Variants in POU6F2 observed in about 807,000 individuals in gnomAD.
POU6F2 encodes the protein POU class 6 homeobox 2.
Under a neutral mutation model 71.3 loss-of-function variants are expected in POU6F2, and 31 were observed. That is an observed-to-expected ratio of 0.43 (90% confidence interval 0.33 to 0.59). POU6F2 has a LOEUF of 0.59. Among genes scored for constraint, POU6F2 ranks in the 20% least tolerant of loss-of-function variants. The probability of loss-of-function intolerance (pLI) is 0.04; values close to 1 mark genes in which losing one functional copy is unlikely to be tolerated. For missense variants in POU6F2, 783 were observed against 856.8 expected (o/e 0.91, Z 1.07); for synonymous variants, 347 against 355.7 (o/e 0.98, Z 0.27).
intron 4 of POU6F2, among the ~76,000 whole-genome samples, chr7:39,223,338 T>C (rs978805692): frequency 6.6e-6 from 1 of 152,216 alleles, no homozygotes; most frequent in African/African-American, 2.4e-5. Context: ...ATAATTGCAG[T>C]TGGATTTACA....
intron 5 of POU6F2, among the ~76,000 whole-genome samples, chr7:39,354,902 T>C (rs1248527366): frequency 6.6e-6 from 1 of 152,212 alleles, no homozygotes; most frequent in Non-Finnish European, 1.5e-5. Flanking sequence ...TCCCAATCAA[T>C]AGTTATCAGT....
Position 39,245,079 on chromosome 7 carries a change from G to A in POU6F2, c.598+37459G>A, listed in dbSNP as rs188317119. 2.0e-5 allele frequency among the ~76,000 whole-genome samples: 3 copies of A among 152,260 alleles called. No homozygotes were observed. In the East Asian group the frequency reaches 5.8e-4, roughly 29 times the overall value. ...AGAAATAATGTGGGGCTTAGATAATGAATTAGCGAAGTTAAGGATTTTGTT... is the reference window on the plus strand; with the variant it reads ...AGAAATAATGTGGGGCTTAGATAATAAATTAGCGAAGTTAAGGATTTTGTT... On this transcript the variant is annotated intron_variant, in intron 4 of 9. Transcript: ENST00000518318.
At chr7:39,056,662 CTG>C (rs749810621) in intron 1 of POU6F2, among the ~76,000 whole-genome samples, 1 of 113,324 alleles carries the variant, frequency 8.8e-6, no homozygotes, top group African/African-American at 3.7e-5. Flanking sequence ...CTCTCTCTCT[CTG>C]TGTGTGTGTG....
intron 4 of POU6F2, among the ~76,000 whole-genome samples, chr7:39,227,127 C>A (rs1794474978): frequency 6.6e-6 from 1 of 152,194 alleles, no homozygotes; most frequent in East Asian, 1.9e-4. Context: ...CCATGAACCA[C>A]AGCTGAATAT....
chr7:39,192,751 A>G (rs1199723561), intron 2 of POU6F2, among the ~76,000 whole-genome samples: 1 of 152,036 alleles, frequency 6.6e-6, no homozygotes, highest in Non-Finnish European at 1.5e-5. Flanking sequence ...CTCCCCCTTG[A>G]CTTTTGTGGG....
chr7:39,198,550 G>A (rs1025511337), intron 2 of POU6F2, among the ~76,000 whole-genome samples: 1 of 152,126 alleles, frequency 6.6e-6, no homozygotes, highest in African/African-American at 2.4e-5. Context: ...AGACAGTCTT[G>A]GTTCTCCAGG....
intron 5 of POU6F2, among the ~76,000 whole-genome samples, chr7:39,398,651 G>A (rs1026747026): frequency 1.3e-5 from 2 of 152,180 alleles, no homozygotes; most frequent in African/African-American, 4.8e-5. Flanking sequence ...GAGTTCCACT[G>A]GTGGAAACAG....
At chr7:39,423,725 C>T (rs1787906846) in intron 6 of POU6F2, among the ~76,000 whole-genome samples, 1 of 152,152 alleles carries the variant, frequency 6.6e-6, no homozygotes, top group African/African-American at 2.4e-5. Context: ...AGAAGATAGG[C>T]ATGAAACAAA....
intron 4 of POU6F2, among the ~76,000 whole-genome samples, chr7:39,247,200 G>C (rs1310095796): frequency 2.6e-5 from 4 of 152,134 alleles, no homozygotes; most frequent in Non-Finnish European, 5.9e-5. Flanking sequence ...CAAGCATGGT[G>C]TATCATGCCT....
intron 6 of POU6F2, among the ~76,000 whole-genome samples, chr7:39,431,753 C>G (rs1788107493): frequency 6.6e-6 from 1 of 152,192 alleles, no homozygotes; most frequent in South Asian, 2.1e-4. Context: ...TGTGTCTTGT[C>G]TAGTAAGCAG....
At chr7:39,095,777 A>T (rs1474956241) in intron 2 of POU6F2, among the ~76,000 whole-genome samples, 1 of 152,214 alleles carries the variant, frequency 6.6e-6, no homozygotes, top group Non-Finnish European at 1.5e-5. Flanking sequence ...CAAATGGTAG[A>T]TGCAAAGGGT....
intron 4 of POU6F2, among the ~76,000 whole-genome samples, chr7:39,256,735 G>C (rs1470002914): frequency 6.6e-6 from 1 of 152,182 alleles, no homozygotes; most frequent in South Asian, 2.1e-4. Context: ...GAGTCAACCA[G>C]TGTAGAAAGA....
At chr7:39,263,787 T>C (rs1335480183) in intron 4 of POU6F2, among the ~76,000 whole-genome samples, 1 of 152,178 alleles carries the variant, frequency 6.6e-6, no homozygotes. Context: ...CCAGCCCCTA[T>C]CACCATGGTC....
chr7:39,332,699 A>G (rs756117781), intron 4 of POU6F2, among the ~76,000 whole-genome samples: 27 of 152,008 alleles, frequency 1.8e-4, no homozygotes, highest in Non-Finnish European at 3.8e-4. Context: ...GTGGCCCTTC[A>G]TTTTCTCTCC....
At chr7:39,258,300 C>T (rs553772462) in intron 4 of POU6F2, among the ~76,000 whole-genome samples, 13 of 152,220 alleles carry the variant, frequency 8.5e-5, no homozygotes, top group South Asian at 4.1e-4. Context: ...GATTTGAAGG[C>T]GGCAGCTCTA....
At chr7:39,078,911 CCTT>C (rs1384618531) in intron 1 of POU6F2, among the ~76,000 whole-genome samples, 1 of 152,056 alleles carries the variant, frequency 6.6e-6, no homozygotes, top group African/African-American at 2.4e-5. Context: ...GAGCAAGACT[CCTT>C]CTCAAAAAAT....
At chr7:39,425,718 T>C (rs1006570633) in intron 6 of POU6F2, among the ~76,000 whole-genome samples, 1 of 152,218 alleles carries the variant, frequency 6.6e-6, no homozygotes, top group African/African-American at 2.4e-5. Context: ...ATCTCTTCTC[T>C]CTTTTCCCTT....
intron 5 of POU6F2, among the ~76,000 whole-genome samples, chr7:39,384,480 G>T (rs1786895759): frequency 6.6e-6 from 1 of 152,202 alleles, no homozygotes; most frequent in Non-Finnish European, 1.5e-5. Context: ...GGAATCTGCA[G>T]TTCTTTTGTG....
intron 8 of POU6F2, among the ~76,000 whole-genome samples, chr7:39,454,934 A>G (rs1788766252): frequency 6.6e-6 from 1 of 151,506 alleles, no homozygotes; most frequent in Non-Finnish European, 1.5e-5. Context: ...TACCTTAGTA[A>G]TGATACAAGA....
Sources: allele counts gnomAD v4.1 joint callset (sites outside exome capture counted in the v4.1 genomes callset), GRCh38; gene constraint gnomAD v4.1.1; transcripts MANE v1.5; gene names NCBI Gene and HGNC (gene_info 2026-07-23, HGNC 2026-07-21).